The following CDH12 variants were observed in gnomAD, a reference collection of about 807,000 sequenced individuals.
The protein encoded by CDH12 is cadherin-12.
CDH12 carries 41 observed loss-of-function variants against 74.1 expected under a neutral mutation model. The observed-to-expected ratio is 0.55, with a 90% CI of 0.43 to 0.72. The LOEUF is 0.72. Among genes scored for constraint, CDH12 ranks in the 30% least tolerant of loss-of-function variants. The pLI is 0.00. For synonymous variants in CDH12, 399 were observed against 355.0 expected, an observed-to-expected ratio of 1.12 and a Z score of -1.39; for missense variants, 945 against 977.2, an observed-to-expected ratio of 0.97 and a Z score of 0.44.
At chr5:22,421,823 G>A (rs1304887948) in intron 2 of CDH12, among the ~76,000 whole-genome samples, 3 of 152,050 alleles carry the variant, frequency 2.0e-5, no homozygotes, top group Non-Finnish European at 4.4e-5. Context: ...AAGCATTCCT[G>A]TTTCCCCACA....
intron 1 of CDH12, among the ~76,000 whole-genome samples, chr5:22,568,875 TG>T (rs1228909353): frequency 6.6e-6 from 1 of 152,216 alleles, no homozygotes; most frequent in Non-Finnish European, 1.5e-5. Flanking sequence ...CTGCTAAAAA[TG>T]CTAATGCTCA....
intron 1 of CDH12, among the ~76,000 whole-genome samples, chr5:22,825,658 G>C (rs1345351209): frequency 6.6e-6 from 1 of 152,162 alleles, no homozygotes; most frequent in Non-Finnish European, 1.5e-5. Context: ...GGCAAGGGTA[G>C]ATCATGTGGA....
At chr5:22,080,334 C>A (rs1305287161) in intron 4 of CDH12, among the ~76,000 whole-genome samples, 1 of 151,962 alleles carries the variant, frequency 6.6e-6, no homozygotes, top group Non-Finnish European at 1.5e-5. Context: ...AATAGTAATT[C>A]ACCATACTTG....
At chr5:21,757,241 T>C (rs748423539) in intron 13 of CDH12, among the ~76,000 whole-genome samples, 9 of 152,152 alleles carry the variant, frequency 5.9e-5, no homozygotes, top group African/African-American at 4.8e-5. Context: ...AGTGGATCAA[T>C]CTCGGCTCAC....
chr5:22,616,315 A>T (rs1737686607), intron 1 of CDH12, among the ~76,000 whole-genome samples: 1 of 152,164 alleles, frequency 6.6e-6, no homozygotes, highest in Admixed American at 6.6e-5. Context: ...AAAGCTATGA[A>T]TTAGGTAGCA....
At chr5:22,653,427 C>T (rs758022700) in intron 1 of CDH12, among the ~76,000 whole-genome samples, 8 of 151,600 alleles carry the variant, frequency 5.3e-5, no homozygotes, top group Non-Finnish European at 8.8e-5. Flanking sequence ...ACGGAGCCAT[C>T]GTTTGTGTAC....
intron 11 of CDH12, among the ~76,000 whole-genome samples, chr5:21,776,359 A>T (rs1745589051): frequency 6.6e-6 from 1 of 152,202 alleles, no homozygotes; most frequent in South Asian, 2.1e-4. Flanking sequence ...AAAATAATAC[A>T]TGTTGTTTAA....
At chr5:21,884,162 T>C in intron 6 of CDH12, 1 of 1,581,560 alleles carries the variant, frequency 6.3e-7, no homozygotes, top group Non-Finnish European at 8.7e-7. Flanking sequence ...CAACAAAGCT[T>C]GTGAGAACTG....
chr5:22,641,806 C>A (rs1308700580), intron 1 of CDH12, among the ~76,000 whole-genome samples: 1 of 152,150 alleles, frequency 6.6e-6, no homozygotes, highest in East Asian at 1.9e-4. Context: ...AAAATATAAT[C>A]CCTGGAGAGG....
intron 2 of CDH12, among the ~76,000 whole-genome samples, chr5:22,490,577 A>C (rs1039785499): frequency 6.6e-6 from 1 of 152,164 alleles, no homozygotes; most frequent in African/African-American, 2.4e-5. Flanking sequence ...TGAAAAAAAA[A>C]AATAAGGCTC....
intron 1 of CDH12, among the ~76,000 whole-genome samples, chr5:22,719,436 C>G (rs1258286911): frequency 6.6e-6 from 1 of 152,096 alleles, no homozygotes; most frequent in Non-Finnish European, 1.5e-5. Flanking sequence ...GAAAAGATAG[C>G]CTTCCATCCT....
At chr5:22,754,680 T>C (rs1051986333) in intron 1 of CDH12, among the ~76,000 whole-genome samples, 2 of 151,892 alleles carry the variant, frequency 1.3e-5, no homozygotes, top group Admixed American at 1.3e-4. Flanking sequence ...GATGGGAAAG[T>C]GACGGAGCAA....
intron 1 of CDH12, among the ~76,000 whole-genome samples, chr5:22,607,114 A>G (rs1737155034): frequency 6.6e-6 from 1 of 152,192 alleles, no homozygotes. Flanking sequence ...AGCTTTCAAG[A>G]GGAAGAAGAG....
At chr5:22,368,103 T>C (rs911921518) in intron 3 of CDH12, among the ~76,000 whole-genome samples, 6 of 152,152 alleles carry the variant, frequency 3.9e-5, no homozygotes, top group Non-Finnish European at 7.3e-5. Context: ...CAAATTGTTT[T>C]AGATATGTGA....
At chr5:22,782,939 A>G (rs1747455002) in intron 1 of CDH12, among the ~76,000 whole-genome samples, 1 of 152,186 alleles carries the variant, frequency 6.6e-6, no homozygotes, top group Admixed American at 6.6e-5. Flanking sequence ...CCTGCTAGCA[A>G]CATTCACTTA....
intron 1 of CDH12, among the ~76,000 whole-genome samples, chr5:22,697,583 A>AT (rs1476073791): frequency 6.6e-6 from 1 of 151,560 alleles, no homozygotes. Flanking sequence ...AAAAAAAAAA[A>AT]AAAAAAGAAA....
intron 5 of CDH12, among the ~76,000 whole-genome samples, chr5:21,982,406 T>C (rs184274231): frequency 1.6e-3 from 241 of 152,086 alleles, no homozygotes; most frequent in African/African-American, 5.7e-3. Context: ...TATAATTGTG[T>C]GAGCCAATTC....
chr5:22,819,988 C>CATATATATACATATACATAT (rs1561054096), intron 1 of CDH12, among the ~76,000 whole-genome samples: 1 of 142,586 alleles, frequency 7.0e-6, no homozygotes, highest in Non-Finnish European at 1.5e-5. Flanking sequence ...CATATATATA[C>CATATATATACATATACATAT]ATATACATAT....
intron 6 of CDH12, among the ~76,000 whole-genome samples, chr5:21,890,424 A>G (rs1752844132): frequency 6.6e-6 from 1 of 152,148 alleles, no homozygotes; most frequent in African/African-American, 2.4e-5. Context: ...ATTATTTGTT[A>G]TAACAGCTAA....
Sources: allele counts gnomAD v4.1 joint callset (sites outside exome capture counted in the v4.1 genomes callset), GRCh38; gene constraint gnomAD v4.1.1; transcripts MANE v1.5; gene names NCBI Gene and HGNC (gene_info 2026-07-23, HGNC 2026-07-21).